Variants in HSD17B3 observed in about 807,000 individuals in gnomAD.
HSD17B3 encodes hydroxysteroid 17-beta dehydrogenase 3, also known as 17-beta-hydroxysteroid dehydrogenase type 3.
Under a neutral mutation model 41.1 loss-of-function variants are expected in HSD17B3, and 29 were observed. That is an observed-to-expected ratio of 0.71 (90% CI 0.53 to 0.96). HSD17B3 has a LOEUF of 0.96. Among genes scored for constraint, HSD17B3 ranks in the 40% least tolerant of loss-of-function variants. The pLI is 0.00. For synonymous variants in HSD17B3, 126 were observed against 145.6 expected, an observed-to-expected ratio of 0.87 and a Z score of 0.97; for missense variants, 323 against 374.6, an observed-to-expected ratio of 0.86 and a Z score of 1.14.
chr9:96,270,905 T>A (rs1481989354), intron 2 of HSD17B3, among the ~76,000 whole-genome samples: 1 of 133,990 alleles, frequency 7.5e-6, no homozygotes, highest in Admixed American at 7.8e-5. Flanking sequence ...GTAAAATTAA[T>A]AATATTTCAT....
rs1311790349 is a variant in HSD17B3, at chr9:96,265,225, C to A, written c.202-10282G>T. ...GACCTCCAGGTGACATGGTCAATAGCCCTTAGAAAGTCAGCCCACTGGGTA... is the reference window on the plus strand; with the variant it reads ...GACCTCCAGGTGACATGGTCAATAGACCTTAGAAAGTCAGCCCACTGGGTA... On this transcript the variant is annotated intron_variant, in intron 2 of 10. Coordinates refer to ENST00000375263, the MANE Select transcript of HSD17B3 (RefSeq NM_000197.2). Among the ~76,000 whole-genome samples the A allele has an allele frequency of 4.6e-5, 7 of 152,164 alleles. 1 individual carries two copies. Among genetic ancestry groups the A allele is most frequent in the African/African-American group, 1.7e-4 (7 of 41,436 alleles).
At chr9:96,287,097 A>G (rs75051618) in intron 2 of HSD17B3, among the ~76,000 whole-genome samples, 38 of 152,288 alleles carry the variant, frequency 2.5e-4, no homozygotes, top group African/African-American at 8.4e-4. Context: ...AGAACTGTGT[A>G]GAGACGTCCA....
chr9:96,258,230 G>C lies in HSD17B3; in HGVS notation c.202-3287C>G, dbSNP rs1045829397. Among the ~76,000 whole-genome samples, 4 of 152,130 alleles carry C rather than the reference G, an allele frequency of 2.6e-5. No homozygotes were observed. The South Asian group carries it at 8.3e-4, about 32-fold the overall frequency. Reference sequence around the variant, plus strand: ...TATCAAATTTGTGAATGTTTTCTTTGTTTTATATGTTCTTTTTGATTTTCC... The same window carrying C: ...TATCAAATTTGTGAATGTTTTCTTTCTTTTATATGTTCTTTTTGATTTTCC... On this transcript the variant is annotated intron_variant, in intron 2 of 10. Coordinates refer to ENST00000375263, the MANE Select transcript of HSD17B3 (RefSeq NM_000197.2).
At chr9:96,277,343 T>C (rs558433871) in intron 2 of HSD17B3, among the ~76,000 whole-genome samples, 2 of 152,268 alleles carry the variant, frequency 1.3e-5, no homozygotes, top group African/African-American at 4.8e-5. Flanking sequence ...ATTCAAACTA[T>C]ATAAAGAGCT....
At chr9:96,255,893 G>A (rs1201823820) in intron 2 of HSD17B3, among the ~76,000 whole-genome samples, 1 of 152,168 alleles carries the variant, frequency 6.6e-6, no homozygotes, top group Non-Finnish European at 1.5e-5. Flanking sequence ...AGAGGGCTGC[G>A]TGAAGGGGTG....
At chr9:96,276,201 A>G (rs1047188409) in intron 2 of HSD17B3, among the ~76,000 whole-genome samples, 6 of 151,908 alleles carry the variant, frequency 3.9e-5, no homozygotes, top group Non-Finnish European at 5.9e-5. Flanking sequence ...ATGAACTGGT[A>G]AAAGACTTGT....
At chr9:96,273,752 C>G (rs1300234037) in intron 2 of HSD17B3, among the ~76,000 whole-genome samples, 3 of 152,188 alleles carry the variant, frequency 2.0e-5, no homozygotes, top group Admixed American at 6.5e-5. Flanking sequence ...CCTTCACTAC[C>G]AAGACCCCAC....
chr9:96,275,269 C>T (rs1826404727), intron 2 of HSD17B3, among the ~76,000 whole-genome samples: 1 of 152,062 alleles, frequency 6.6e-6, no homozygotes, highest in Non-Finnish European at 1.5e-5. Flanking sequence ...TAAACAACAA[C>T]ACAAATCATA....
rs759171607 is a variant in HSD17B3 at position 96,236,314 on chromosome 9, T to G, written c.823-744A>C. On this transcript the variant is annotated intron_variant, in intron 10 of 10. Transcript: ENST00000375263. ...GGTGGATCACTTGAGGTCAGGAGTT[T>G]GAGACCAGCCTGGCCAACATGGTGA... Among the ~76,000 whole-genome samples the G allele has an allele frequency of 1.3e-3, 197 of 151,290 alleles. 2 individuals carry two copies. The highest frequency in any genetic ancestry group is 2.4e-3 in the Admixed American group (37 of 15,184).
At chr9:96,255,824 T>A (rs1825630279) in intron 2 of HSD17B3, among the ~76,000 whole-genome samples, 1 of 152,166 alleles carries the variant, frequency 6.6e-6, no homozygotes, top group Non-Finnish European at 1.5e-5. Context: ...GGTAGAGAGC[T>A]GGACGCGTCC....
At chr9:96,261,584 G>C (rs1825862693) in intron 2 of HSD17B3, among the ~76,000 whole-genome samples, 1 of 152,228 alleles carries the variant, frequency 6.6e-6, no homozygotes, top group South Asian at 2.1e-4. Flanking sequence ...GGCTGATGCA[G>C]GGTGGGGTGC....
intron 2 of HSD17B3, among the ~76,000 whole-genome samples, chr9:96,267,618 A>C (rs189722864): frequency 1.4e-4 from 22 of 152,296 alleles, no homozygotes; most frequent in African/African-American, 5.3e-4. Flanking sequence ...AGAAAATAGC[A>C]AAAATGAAAA....
intron 6 of HSD17B3, among the ~76,000 whole-genome samples, chr9:96,246,996 A>T (rs1836692649): frequency 6.6e-6 from 1 of 152,168 alleles, no homozygotes. Flanking sequence ...GAAACCTAAC[A>T]AGACTCTGTA....
rs561705678 is a variant in HSD17B3 at position 96,259,716 on chromosome 9, G to A, written c.202-4773C>T. Reference sequence around the variant, plus strand: ...AGCCTGGGCGACAGAACAAGACTCCGTCTCAAAAGAAAAAAAAAAAGTGTG... The same window carrying A: ...AGCCTGGGCGACAGAACAAGACTCCATCTCAAAAGAAAAAAAAAAAGTGTG... On this transcript the variant is annotated intron_variant, in intron 2 of 10. Coordinates refer to ENST00000375263, the MANE Select transcript of HSD17B3 (RefSeq NM_000197.2). Among the ~76,000 whole-genome samples, 35 of 113,086 alleles carry A rather than the reference G, an allele frequency of 3.1e-4. No homozygotes were observed. In the East Asian group the frequency reaches 3.8e-3, roughly 12 times the overall value. The allele number at this position is 113,086 out of a possible 152,430, so 74.2% of individuals were successfully genotyped here. A position where few individuals can be genotyped will look rare whatever the true frequency, so the allele number is the denominator to read the frequency against.
intron 10 of HSD17B3, 69 bp downstream of exon 10, chr9:96,240,689 C>G: frequency 6.6e-7 from 1 of 1,517,040 alleles, no homozygotes. Context: ...AAGAGCTAGC[C>G]CAGCCCTGCC....
intron 2 of HSD17B3, among the ~76,000 whole-genome samples, chr9:96,270,151 G>A (rs1826187850): frequency 6.6e-6 from 1 of 152,032 alleles, no homozygotes; most frequent in Non-Finnish European, 1.5e-5. Context: ...TGTTTCTTAA[G>A]CTAGTGATAA....
At chr9:96,294,535 C>T (rs576006925) in intron 2 of HSD17B3, among the ~76,000 whole-genome samples, 3 of 152,254 alleles carry the variant, frequency 2.0e-5, no homozygotes, top group Admixed American at 1.3e-4. Context: ...CTGAGTCTTG[C>T]GATAGCAAGG....
At chr9:96,249,616 G>T (rs1048005961) in intron 6 of HSD17B3, 135 bp downstream of exon 6, 11 of 775,756 alleles carry the variant, frequency 1.4e-5, no homozygotes, top group Non-Finnish European at 2.3e-5. Context: ...ACAAGACCAC[G>T]ACATGGCCTC....
At chr9:96,265,509 A>G (rs1826019015) in intron 2 of HSD17B3, among the ~76,000 whole-genome samples, 1 of 152,228 alleles carries the variant, frequency 6.6e-6, no homozygotes, top group African/African-American at 2.4e-5. Context: ...TGTCTATAAG[A>G]TTTCAGAAAT....
Sources: allele counts gnomAD v4.1 joint callset (sites outside exome capture counted in the v4.1 genomes callset), GRCh38; gene constraint gnomAD v4.1.1; transcripts MANE v1.5; gene names NCBI Gene and HGNC (gene_info 2026-07-23, HGNC 2026-07-21).